The following THPO variants were observed in gnomAD, a reference collection of about 807,000 sequenced individuals.
THPO encodes the protein MPL ligand.
In THPO, 12 loss-of-function variants were observed where a neutral mutation model predicts 17.0. The observed-to-expected ratio is 0.71, with a 90% CI of 0.45 to 1.14. THPO has a LOEUF of 1.14. Among genes scored for constraint, THPO ranks in the 50% most tolerant of loss-of-function variants. The pLI, the probability that THPO is intolerant of heterozygous loss-of-function variation, is 0.00. For synonymous variants in THPO, 188 were observed against 183.0 expected, an observed-to-expected ratio of 1.03 and a Z score of -0.22; for missense variants, 365 against 427.5, an observed-to-expected ratio of 0.85 and a Z score of 1.29.
At chr3:184,375,460 G>A in intron 4 of THPO, 55 bp downstream of exon 4, 1 of 1,548,798 alleles carries the variant, frequency 6.5e-7, no homozygotes, top group South Asian at 1.1e-5. Flanking sequence ...ATGGGAAGCA[G>A]TGGGAAACTG....
chr3:184,377,158 G>A (rs1360631258), intron 1 of THPO, among the ~76,000 whole-genome samples: 1 of 152,006 alleles, frequency 6.6e-6, no homozygotes, highest in East Asian at 1.9e-4. Context: ...AATATGTTGA[G>A]GGGTAACTTC....
At position 184,373,546 on chromosome 3, in the gene THPO, T is replaced by A; in HGVS notation, c.265A>T (p.Thr89Ser). The stretch of plus-strand genomic sequence containing the variant: ...GCCATCACTCCCTCCAGCAGAAGGG[T>A]CACTGCTCCCAGAATGTCCTGTGCC... ...TKAQDILGAVTLLLEGVMAAR... is the reference protein window; with the variant it reads ...TKAQDILGAVSLLLEGVMAAR... Residue 89 changes from threonine (T) to serine (S), a missense_variant, in exon 5 of 6, where the codon ACC becomes TCC. By Grantham distance (58) the Thr-to-Ser change is moderately conservative. Coordinates refer to ENST00000647395, the MANE Select transcript of THPO (RefSeq NM_000460.4). The A allele has an allele frequency of 6.2e-7, 1 of 1,613,984 alleles. No homozygotes were observed. The highest frequency in any genetic ancestry group is 1.1e-5 in the South Asian group (1 of 91,076).
chr3:184,376,485 G>A (rs55742042), intron 1 of THPO, 81 bp from the exon 2 acceptor site: 31 of 1,390,744 alleles, frequency 2.2e-5, no homozygotes, highest in Non-Finnish European at 6.6e-6. Flanking sequence ...TGCTGGGGAG[G>A]GCTTGAGATG....
chr3:184,378,666 G>A (rs1714670169), upstream of THPO: 1 of 407,880 alleles, frequency 2.5e-6, no homozygotes, highest in African/African-American at 2.2e-5. Context: ...TTATGGGTTG[G>A]TGTTATGGGG....
chr3:184,374,864 C>T (rs1051696004), intron 4 of THPO, among the ~76,000 whole-genome samples: 2 of 152,200 alleles, frequency 1.3e-5, no homozygotes, highest in Non-Finnish European at 2.9e-5. Flanking sequence ...TCTCAGCTCA[C>T]TACAACCTCC....
In THPO at chr3:184,372,842, C is replaced by T. The variant is rs770611684; in HGVS notation, c.733G>A (p.Gly245Arg). The change falls in exon 6 of 6, where the codon GGA becomes AGA. Residue 245 changes from glycine (G) to arginine (R), a missense_variant. Physicochemically the swap from Gly to Arg is moderately radical, Grantham distance 125. Transcript: ENST00000647395. ...AGTTCGTGTATCCTGTTCAGGTATCCGGGGATTTGGTCCAGGGACCTGGAG... is the reference window on the plus strand; with the variant it reads ...AGTTCGTGTATCCTGTTCAGGTATCTGGGGATTTGGTCCAGGGACCTGGAG... ...QTSRSLDQIPGYLNRIHELLN... is the reference protein window; with the variant it reads ...QTSRSLDQIPRYLNRIHELLN... 1.1e-5 allele frequency: 17 copies of T among 1,613,970 alleles called. No homozygotes were observed. Among genetic ancestry groups the T allele is most frequent in the East Asian group, 4.5e-5 (2 of 44,892 alleles).
At chr3:184,379,150 T>C (rs1372356392), upstream of THPO, among the ~76,000 whole-genome samples, 1 of 152,122 alleles carries the variant, frequency 6.6e-6, no homozygotes, top group African/African-American at 2.4e-5. Flanking sequence ...AAGTGTGGCC[T>C]AGATCCTGGA....
chr3:184,372,295 G>T lies in THPO; in HGVS notation c.*218C>A. On this transcript the variant is annotated 3_prime_UTR_variant, in exon 6 of 6. Coordinates refer to ENST00000647395, the MANE Select transcript of THPO (RefSeq NM_000460.4). The stretch of plus-strand genomic sequence containing the variant: ...CAGAAAATAGACCAAAGAGCTAGCT[G>T]CTCTGATGAGTATTGCTGATAGCTT... The T allele has an allele frequency of 1.7e-6, 1 of 584,400 alleles. No homozygotes were observed. The allele number at this position is 584,400 out of a possible 1,614,324, so 36.2% of individuals were successfully genotyped here. A position where few individuals can be genotyped will look rare whatever the true frequency, so the allele number is the denominator to read the frequency against.
At chr3:184,375,692 T>C in intron 3 of THPO, 91 bp from the exon 4 acceptor site, 1 of 1,475,002 alleles carries the variant, frequency 6.8e-7, no homozygotes, top group Non-Finnish European at 9.5e-7. Flanking sequence ...ATGAGTACTA[T>C]CTCTAGACGA....
At chr3:184,373,831 T>C (rs762583845) in intron 4 of THPO, among the ~76,000 whole-genome samples, 4 of 152,236 alleles carry the variant, frequency 2.6e-5, no homozygotes, top group Non-Finnish European at 4.4e-5. Flanking sequence ...AGCTCCTTTT[T>C]TCTTACGTTG....
At chr3:184,374,120 T>A (rs368409042) in intron 4 of THPO, among the ~76,000 whole-genome samples, 1 of 152,098 alleles carries the variant, frequency 6.6e-6, no homozygotes, top group African/African-American at 2.4e-5. Context: ...CCCAGCTACT[T>A]GGGAGACTGA....
intron 4 of THPO, 145 bp downstream of exon 4, chr3:184,375,370 A>G: frequency 1.3e-6 from 1 of 777,668 alleles, no homozygotes; most frequent in African/African-American, 1.7e-5. Flanking sequence ...GGCTATCATC[A>G]TAGGTGAATG....
chr3:184,378,252 G>C, upstream of THPO: 1 of 985,508 alleles, frequency 1.0e-6, no homozygotes, highest in African/African-American at 1.7e-5. Context: ...GAAGGCCCCC[G>C]GAAGTGACGC....
chr3:184,376,475 T>C, intron 1 of THPO, 71 bp from the exon 2 acceptor site: 2 of 1,428,394 alleles, frequency 1.4e-6, no homozygotes, highest in Non-Finnish European at 9.2e-7. Flanking sequence ...GGTGAACAGA[T>C]GCTGGGGAGG....
At chr3:184,373,747 G>T (rs765942329) in intron 4 of THPO, among the ~76,000 whole-genome samples, 165 bp from the exon 5 acceptor site, 11 of 152,190 alleles carry the variant, frequency 7.2e-5, no homozygotes, top group Non-Finnish European at 1.5e-4. Context: ...CCGACAGCTG[G>T]TCATCAGCCT....
In THPO at chr3:184,372,246, G is replaced by A. The variant is rs1480522660; in HGVS notation, c.*267C>T. The stretch of plus-strand genomic sequence containing the variant: ...TTATCACAGAAAAAGAGCATGTAGA[G>A]AATCAGTGAGTTGCAAATTTCTGCA... On this transcript the variant is annotated 3_prime_UTR_variant, in exon 6 of 6. Coordinates refer to ENST00000647395, the MANE Select transcript of THPO (RefSeq NM_000460.4). 1 of 476,894 alleles carries A rather than the reference G, an allele frequency of 2.1e-6. No individual in the cohort carries two copies. The highest frequency in any genetic ancestry group is 1.9e-5 in the African/African-American group (1 of 51,734). 29.5% of individuals were successfully genotyped at this position (476,894 alleles called of 1,614,324 possible).
chr3:184,372,363 G>T lies in THPO; in HGVS notation c.*150C>A, dbSNP rs957600465. On this transcript the variant is annotated 3_prime_UTR_variant, in exon 6 of 6. Transcript: ENST00000647395. ...AGGTTTATAATGTACAGTGAAAAATGATTCCCTTTTCAGTCCTGTGTATCC... is the reference window on the plus strand; with the variant it reads ...AGGTTTATAATGTACAGTGAAAAATTATTCCCTTTTCAGTCCTGTGTATCC... 3.3e-6 allele frequency: 3 copies of T among 919,438 alleles called. No homozygotes were observed. 57.0% of individuals were successfully genotyped at this position (919,438 alleles called of 1,614,324 possible). A position where few individuals can be genotyped will look rare whatever the true frequency, so the allele number is the denominator to read the frequency against.
Position 184,372,535 on chromosome 3 carries a change from TG to T in THPO, c.1039del (p.Gln347ArgfsTer42). 3.1e-6 allele frequency: 5 copies of T among 1,613,906 alleles called. No individual in the cohort carries two copies. The highest frequency in any genetic ancestry group is 4.2e-6 in the Non-Finnish European group (5 of 1,179,996). On this transcript the variant is annotated frameshift_variant, in exon 6 of 6. Transcript: ENST00000647395. LOFTEE classifies it high-confidence loss of function. The stretch of plus-strand genomic sequence containing the variant: ...ACCTTACCCTTCCTGAGACAGATTC[TG>T]GGAGTGGGTGTAGGATGTGTTTAGA... ...PLLNTSYTHS[Q>X]NLSQEG
At chr3:184,375,856 C>T (rs759014860) in intron 3 of THPO, 32 bp downstream of exon 3, 16 of 1,611,822 alleles carry the variant, frequency 9.9e-6, no homozygotes, top group East Asian at 4.5e-5. Context: ...ACCAGTTACG[C>T]GGATAAAGGG....
Sources: allele counts gnomAD v4.1 joint callset (sites outside exome capture counted in the v4.1 genomes callset), GRCh38; gene constraint gnomAD v4.1.1; transcripts MANE v1.5; gene names NCBI Gene and HGNC (gene_info 2026-07-23, HGNC 2026-07-21).